The following RALYL variants were observed in gnomAD, a reference collection of about 807,000 sequenced individuals.
RALYL encodes the protein RNA-binding Raly-like protein.
In RALYL, 29 loss-of-function variants were observed where a neutral mutation model predicts 35.1. The observed-to-expected ratio is 0.83, with a 90% CI of 0.61 to 1.13. The LOEUF (loss-of-function observed/expected upper bound fraction) is 1.13. RALYL is among the 50% of genes most tolerant of loss of function. RALYL has a pLI of 0.00. For synonymous variants in RALYL, 120 were observed against 127.6 expected (o/e 0.94, Z 0.40); for missense variants, 359 against 360.4 (o/e 1.00, Z 0.03).
chr8:84,749,048 C>T (rs931973344), intron 2 of RALYL, among the ~76,000 whole-genome samples: 2 of 151,988 alleles, frequency 1.3e-5, no homozygotes. Context: ...AATTGAATTC[C>T]ACATTAAGTT....
intron 2 of RALYL, among the ~76,000 whole-genome samples, chr8:84,741,311 A>G (rs1449304374): frequency 2.6e-5 from 4 of 152,004 alleles, no homozygotes; most frequent in East Asian, 1.9e-4. Context: ...CTCAGTGCCT[A>G]TTCCTCAGGA....
chr8:84,285,047 G>C (rs1837323815), intron 1 of RALYL, among the ~76,000 whole-genome samples: 1 of 152,104 alleles, frequency 6.6e-6, no homozygotes, highest in Non-Finnish European at 1.5e-5. Context: ...AGAAATGAGA[G>C]GAGAGAATTA....
rs911814355 is a variant in RALYL at position 84,248,151 on chromosome 8, A to G, written c.-24+63727A>G. ...GAGAGGAAAAAATAGGAGGATTACC[A>G]ATTTATATGCTTGGTACCAAAATAT... On this transcript the variant is annotated intron_variant, in intron 1 of 8. Coordinates refer to ENST00000521268, the MANE Select transcript of RALYL (RefSeq NM_173848.7). 2.0e-5 allele frequency among the ~76,000 whole-genome samples: 3 copies of G among 152,108 alleles called. No homozygotes were observed. The East Asian group carries it at 5.8e-4, about 29-fold the overall frequency.
intron 2 of RALYL, among the ~76,000 whole-genome samples, chr8:84,648,519 C>T (rs376188710): frequency 7.9e-5 from 12 of 152,088 alleles, no homozygotes; most frequent in African/African-American, 2.9e-4. Flanking sequence ...GATTCTGATT[C>T]CTTTTCCCTG....
intron 1 of RALYL, among the ~76,000 whole-genome samples, chr8:84,225,049 C>A (rs756739317): frequency 1.3e-5 from 2 of 152,190 alleles, no homozygotes; most frequent in African/African-American, 4.8e-5. Flanking sequence ...AGTCTACCTT[C>A]CTCTAAACTT....
At chr8:84,877,379 C>G (rs2135302232) in intron 7 of RALYL, among the ~76,000 whole-genome samples, 1 of 152,098 alleles carries the variant, frequency 6.6e-6, no homozygotes, top group South Asian at 2.1e-4. Flanking sequence ...CCCAGCTACT[C>G]AGGAGTCTGA....
At chr8:84,427,319 T>A (rs1366854283) in intron 1 of RALYL, among the ~76,000 whole-genome samples, 1 of 152,184 alleles carries the variant, frequency 6.6e-6, no homozygotes, top group East Asian at 1.9e-4. Flanking sequence ...CATATCCTCC[T>A]TTTTAGATAA....
intron 2 of RALYL, among the ~76,000 whole-genome samples, chr8:84,720,246 G>A (rs1254983153): frequency 6.6e-6 from 1 of 152,082 alleles, no homozygotes; most frequent in African/African-American, 2.4e-5. Context: ...TACACTACCT[G>A]ACTTCAAAAT....
intron 1 of RALYL, among the ~76,000 whole-genome samples, chr8:84,261,103 A>G: frequency 2.1e-5 from 1 of 46,888 alleles, no homozygotes; most frequent in East Asian, 9.3e-4. Context: ...GTAGTTATTT[A>G]CAGGTTTTTT....
In RALYL at chr8:84,783,131, G is replaced by A. The variant is rs538747381; in HGVS notation, c.332+8477G>A. On this transcript the variant is annotated intron_variant, in intron 3 of 8. Transcript: ENST00000521268. The stretch of plus-strand genomic sequence containing the variant: ...TTTTCCTTCCATATTACTGTATGGA[G>A]GGTAGCATGAAAGAAATTGAAATGT... Among the ~76,000 whole-genome samples the A allele has an allele frequency of 3.9e-5, 6 of 152,260 alleles. No individual in the cohort carries two copies. In the East Asian group the frequency reaches 1.2e-3, roughly 29 times the overall value.
intron 1 of RALYL, among the ~76,000 whole-genome samples, chr8:84,516,102 C>T (rs1396581662): frequency 1.3e-5 from 2 of 151,944 alleles, no homozygotes; most frequent in East Asian, 3.9e-4. Flanking sequence ...TCAATAAGAA[C>T]TAAAAATAAT....
intron 2 of RALYL, among the ~76,000 whole-genome samples, chr8:84,769,862 A>G (rs117702502): frequency 6.6e-6 from 1 of 152,210 alleles, no homozygotes; most frequent in Non-Finnish European, 1.5e-5. Context: ...CATACAGAAT[A>G]AAGTAAGTAA....
intron 3 of RALYL, among the ~76,000 whole-genome samples, chr8:84,804,137 A>G (rs1325196652): frequency 6.6e-6 from 1 of 152,224 alleles, no homozygotes; most frequent in Non-Finnish European, 1.5e-5. Context: ...AATGAGAAAA[A>G]TAAAACACAG....
At chr8:84,184,957 C>T (rs748097914) in intron 1 of RALYL, 1 of 1,613,128 alleles carries the variant, frequency 6.2e-7, no homozygotes, top group Non-Finnish European at 8.5e-7. Flanking sequence ...TTGAGGATGG[C>T]ACCGGCCCTC....
At chr8:84,405,483 G>C (rs147233190) in intron 1 of RALYL, among the ~76,000 whole-genome samples, 4,300 of 152,118 alleles carry the variant, frequency 0.028, 197 homozygotes, top group African/African-American at 0.098. Context: ...AAGAAGAAAA[G>C]AGAGAAGAAT....
At chr8:84,746,608 C>A (rs1029905619) in intron 2 of RALYL, among the ~76,000 whole-genome samples, 6 of 151,860 alleles carry the variant, frequency 4.0e-5, no homozygotes, top group African/African-American at 1.4e-4. Flanking sequence ...CATATTTTCT[C>A]GTAACTTGTG....
intron 2 of RALYL, among the ~76,000 whole-genome samples, chr8:84,681,875 T>C (rs1306102552): frequency 1.3e-5 from 2 of 152,194 alleles, no homozygotes; most frequent in Non-Finnish European, 2.9e-5. Context: ...TCCAACACTA[T>C]GTTGAATCGG....
chr8:84,475,377 G>A (rs1468433453), intron 1 of RALYL, among the ~76,000 whole-genome samples: 1 of 151,844 alleles, frequency 6.6e-6, no homozygotes, highest in African/African-American at 2.4e-5. Flanking sequence ...ACATCACCAT[G>A]CCCAGTTAAT....
rs187112269 is a variant in RALYL at position 84,431,713 on chromosome 8, G to T, written c.-23-97586G>T. On this transcript the variant is annotated intron_variant, in intron 1 of 8. Transcript: ENST00000521268. ...TGTCCTCCAGGTTCATTCATGGTGA[G>T]GCAAATGGCAGGATTTCCTTTTTCT... Among the ~76,000 whole-genome samples, 227 of 152,222 alleles carry T rather than the reference G, an allele frequency of 1.5e-3. 2 individuals carry two copies. The highest frequency in any genetic ancestry group is 4.5e-3 in the African/African-American group (185 of 41,546).
Sources: allele counts gnomAD v4.1 joint callset (sites outside exome capture counted in the v4.1 genomes callset), GRCh38; gene constraint gnomAD v4.1.1; transcripts MANE v1.5; gene names NCBI Gene and HGNC (gene_info 2026-07-23, HGNC 2026-07-21).